The following NLGN1 variants were observed in gnomAD, a reference collection of about 807,000 sequenced individuals.
The protein encoded by NLGN1 is neuroligin-1.
A neutral mutation model predicts 65.5 loss-of-function variants in NLGN1; 12 were observed. The ratio of observed to expected loss-of-function variants is 0.18; its 90% CI spans 0.12 to 0.30. The LOEUF is 0.30. Ranked by LOEUF, NLGN1 falls within the 10% of genes least tolerant of loss-of-function variation. The probability of loss-of-function intolerance (pLI) is 1.00; values close to 1 mark genes in which losing one functional copy is unlikely to be tolerated. For synonymous variants in NLGN1, 350 were observed against 359.5 expected (o/e 0.97, Z 0.30); for missense variants, 750 against 1,007.1 (o/e 0.74, Z 3.46).
rs182016969 is a variant in NLGN1, at chr3:173,949,837, A to T, written c.646+142005A>T. ...TCATTATGTCTGGCATTGCTGGATC[A>T]ATTACCTTTATGGCTTCTAATAAAT... On this transcript the variant is annotated intron_variant, in intron 4 of 6. Transcript: ENST00000457714. 1.6e-3 allele frequency among the ~76,000 whole-genome samples: 248 copies of T among 152,308 alleles called. 2 individuals carry two copies. The highest frequency in any genetic ancestry group is 5.7e-3 in the African/African-American group (238 of 41,580).
intron 4 of NLGN1, among the ~76,000 whole-genome samples, chr3:174,046,791 T>G (rs1407923868): frequency 6.6e-6 from 1 of 152,108 alleles, no homozygotes; most frequent in Non-Finnish European, 1.5e-5. Flanking sequence ...AGGGGCAGAT[T>G]CTATTACTAA....
chr3:173,986,206 C>T (rs1407767789), intron 4 of NLGN1, among the ~76,000 whole-genome samples: 3 of 152,156 alleles, frequency 2.0e-5, no homozygotes, highest in Admixed American at 6.5e-5. Context: ...CGGTGGCTCA[C>T]GCCTGTAATC....
chr3:173,819,894 A>G (rs1461856307), intron 4 of NLGN1, among the ~76,000 whole-genome samples: 6 of 152,226 alleles, frequency 3.9e-5, no homozygotes, highest in African/African-American at 7.2e-5. Flanking sequence ...GCAGGTAGAA[A>G]GAGTGGCTGG....
chr3:173,919,614 T>C (rs1336721584), intron 4 of NLGN1, among the ~76,000 whole-genome samples: 1 of 152,160 alleles, frequency 6.6e-6, no homozygotes, highest in East Asian at 1.9e-4. Flanking sequence ...CTTAACTAGG[T>C]CATGCTCTGT....
At chr3:173,922,198 T>G (rs1159944030) in intron 4 of NLGN1, among the ~76,000 whole-genome samples, 1 of 152,098 alleles carries the variant, frequency 6.6e-6, no homozygotes, top group African/African-American at 2.4e-5. Flanking sequence ...AAAATTTGTA[T>G]AAAGAACTAA....
chr3:173,867,001 G>A (rs1168949971), intron 4 of NLGN1, among the ~76,000 whole-genome samples: 1 of 152,118 alleles, frequency 6.6e-6, no homozygotes, highest in African/African-American at 2.4e-5. Flanking sequence ...GAATGTGTAT[G>A]GCTTAAAACA....
intron 4 of NLGN1, among the ~76,000 whole-genome samples, chr3:173,944,937 C>A (rs571268594): frequency 6.6e-6 from 1 of 152,168 alleles, no homozygotes; most frequent in Admixed American, 6.5e-5. Flanking sequence ...GGCTAGGATT[C>A]TTTGGGTAAC....
intron 4 of NLGN1, among the ~76,000 whole-genome samples, chr3:173,898,848 C>T (rs1156986984): frequency 5.3e-5 from 8 of 152,118 alleles, no homozygotes; most frequent in Non-Finnish European, 1.2e-4. Context: ...TGGATTAAAG[C>T]TGTCCCAATG....
chr3:173,398,291 T>C (rs1044967658), upstream of NLGN1, among the ~76,000 whole-genome samples: 1 of 152,136 alleles, frequency 6.6e-6, no homozygotes, highest in Admixed American at 6.5e-5. Flanking sequence ...AAAGTTGCTC[T>C]TCTTCCCCAC....
At chr3:173,649,951 C>T (rs1207788357) in intron 3 of NLGN1, among the ~76,000 whole-genome samples, 1 of 152,000 alleles carries the variant, frequency 6.6e-6, no homozygotes, top group Non-Finnish European at 1.5e-5. Context: ...TTTTCACTTA[C>T]CATTTCCATT....
chr3:173,845,088 T>C (rs1725478181), intron 4 of NLGN1, among the ~76,000 whole-genome samples: 1 of 152,132 alleles, frequency 6.6e-6, no homozygotes, highest in Non-Finnish European at 1.5e-5. Flanking sequence ...AAGATAGTGG[T>C]TTTCATAAAA....
At chr3:173,716,570 G>A (rs554840008) in intron 3 of NLGN1, among the ~76,000 whole-genome samples, 1 of 152,034 alleles carries the variant, frequency 6.6e-6, no homozygotes, top group Non-Finnish European at 1.5e-5. Flanking sequence ...TTATCCTGAG[G>A]GGTCAGTTGA....
At chr3:173,784,274 G>T (rs1479592966) in intron 3 of NLGN1, among the ~76,000 whole-genome samples, 1 of 152,142 alleles carries the variant, frequency 6.6e-6, no homozygotes, top group Admixed American at 6.5e-5. Flanking sequence ...AGTAAGGAAG[G>T]TGAATATTAA....
intron 3 of NLGN1, among the ~76,000 whole-genome samples, chr3:173,660,363 AT>A (rs11388898): frequency 2.4e-4 from 36 of 149,898 alleles, no homozygotes; most frequent in South Asian, 6.3e-4. Flanking sequence ...TCCTTATTTT[AT>A]TTTTTTTTTC....
At chr3:174,191,711 GAT>G (rs750329620) in intron 4 of NLGN1, among the ~76,000 whole-genome samples, 1 of 152,138 alleles carries the variant, frequency 6.6e-6, no homozygotes, top group Non-Finnish European at 1.5e-5. Context: ...CACGAATTGG[GAT>G]CATTAAGAAT....
chr3:173,520,802 T>C (rs1035931185), intron 2 of NLGN1, among the ~76,000 whole-genome samples: 5 of 152,170 alleles, frequency 3.3e-5, no homozygotes, highest in African/African-American at 9.7e-5. Context: ...AAGAGCCAAT[T>C]TGAATTTAAA....
intron 4 of NLGN1, among the ~76,000 whole-genome samples, chr3:173,956,350 A>G (rs1196461149): frequency 6.6e-6 from 1 of 151,898 alleles, no homozygotes; most frequent in Non-Finnish European, 1.5e-5. Context: ...ATTGACCAAA[A>G]GGTTTTTCTT....
chr3:173,397,417 C>A (rs76623340), upstream of NLGN1, among the ~76,000 whole-genome samples: 1 of 151,886 alleles, frequency 6.6e-6, no homozygotes, highest in Admixed American at 6.6e-5. Context: ...TGGGAACTTC[C>A]CCTCATTTCT....
At chr3:173,821,514 G>C (rs186429125) in intron 4 of NLGN1, among the ~76,000 whole-genome samples, 20 of 152,186 alleles carry the variant, frequency 1.3e-4, no homozygotes, top group Non-Finnish European at 2.5e-4. Context: ...TAAAACAATT[G>C]CTTCAGTAGA....
Sources: gnomAD v4.1 joint callset for allele counts (sites outside exome capture counted in the v4.1 genomes callset) on GRCh38, gnomAD v4.1.1 for gene constraint, MANE v1.5 for transcripts, NCBI Gene and HGNC (gene_info 2026-07-23, HGNC 2026-07-21) for gene names.